The following PI4KA variants were observed in gnomAD, a reference collection of about 807,000 sequenced individuals.
The protein encoded by PI4KA is phosphatidylinositol 4-kinase alpha, also known as PI4-kinase alpha.
A neutral mutation model predicts 271.4 loss-of-function variants in PI4KA; 122 were observed. The ratio of observed to expected loss-of-function variants is 0.45; its 90% CI spans 0.39 to 0.52. The LOEUF is 0.52. Ranked by LOEUF, PI4KA falls within the 20% of genes least tolerant of loss-of-function variation. The pLI is 0.00. For missense variants in PI4KA, 1,969 were observed against 2,769.1 expected (o/e 0.71, Z 6.48); for synonymous variants, 1,041 against 1,078.8 (o/e 0.96, Z 0.69).
intron 3 of PI4KA, among the ~76,000 whole-genome samples, chr22:20,826,239 A>G (rs1923406422): frequency 6.6e-6 from 1 of 152,190 alleles, no homozygotes; most frequent in South Asian, 2.1e-4. Flanking sequence ...GCTACTTGGG[A>G]GGCTGAGACA....
intron 36 of PI4KA, among the ~76,000 whole-genome samples, chr22:20,732,129 G>C (rs1167587609): frequency 6.6e-6 from 1 of 151,984 alleles, no homozygotes; most frequent in African/African-American, 2.4e-5. Context: ...AGCCGAGATT[G>C]TGCCACTGCA....
At chr22:20,830,855 T>G (rs923270939) in intron 3 of PI4KA, among the ~76,000 whole-genome samples, 1 of 152,142 alleles carries the variant, frequency 6.6e-6, no homozygotes, top group Non-Finnish European at 1.5e-5. Flanking sequence ...CACTGTAACC[T>G]CCACCTCCTG....
chr22:20,813,924 G>A (rs998438632), intron 7 of PI4KA, among the ~76,000 whole-genome samples: 3 of 152,004 alleles, frequency 2.0e-5, no homozygotes, highest in Admixed American at 6.5e-5. Context: ...TCAGCCTTCC[G>A]AGTAGCTGGA....
chr22:20,816,026 G>C (rs930483526), intron 7 of PI4KA, among the ~76,000 whole-genome samples: 1 of 151,870 alleles, frequency 6.6e-6, no homozygotes, highest in Non-Finnish European at 1.5e-5. Flanking sequence ...CGCAACCTGC[G>C]TCTCCCAGGT....
At chr22:20,730,994 A>G (rs909613131) in intron 36 of PI4KA, among the ~76,000 whole-genome samples, 9 of 151,926 alleles carry the variant, frequency 5.9e-5, no homozygotes, top group Non-Finnish European at 1.2e-4. Context: ...CTGGACAACA[A>G]GGCAAGACGC....
rs977267403 is a variant in PI4KA, at chr22:20,848,241, A to G, written c.157-9510T>C. The stretch of plus-strand genomic sequence containing the variant: ...TGACAGAGCGAGACTCCATCTCAAA[A>G]AAAAAAAAAAAAAAAAAAAGGGACA... On this transcript the variant is annotated intron_variant, in intron 1 of 54. Coordinates refer to ENST00000255882, the MANE Select transcript of PI4KA (RefSeq NM_058004.4). Among the ~76,000 whole-genome samples, 210 of 149,998 alleles carry G rather than the reference A, an allele frequency of 1.4e-3. 1 individual carries two copies. The highest frequency in any genetic ancestry group is 2.9e-3 in the African/African-American group (120 of 41,068).
At chr22:20,817,130 A>C (rs1921910436) in intron 7 of PI4KA, among the ~76,000 whole-genome samples, 2 of 152,148 alleles carry the variant, frequency 1.3e-5, no homozygotes, top group African/African-American at 4.8e-5. Context: ...ATTCTCACAG[A>C]TCTAAGAGAT....
chr22:20,710,841 C>G lies in PI4KA; in HGVS notation c.5941G>C (p.Glu1981Gln). The change falls in exon 52 of 55, where the codon GAA (glutamate) becomes CAA (glutamine). Residue 1981 changes from glutamate (E) to glutamine (Q), a missense_variant. By Grantham distance (29) the Glu-to-Gln change is conservative. Transcript: ENST00000255882. ...CCGAGATTGCCGCCCGGCGAGCTTT[C>G]AAACATGAAGCCAAAGTCTGCAAAA... ...IIHIDFGFMF[E>Q]SSPGGNLGWE... 1 of 1,612,460 alleles carries G rather than the reference C, an allele frequency of 6.2e-7. No homozygotes were observed. Among genetic ancestry groups the G allele is most frequent in the Non-Finnish European group, 8.5e-7 (1 of 1,179,432 alleles).
rs1272054045 is a variant in PI4KA at position 20,727,486 on chromosome 22, G to A, written c.4774-89C>T. 12 of 1,232,896 alleles carry A rather than the reference G, an allele frequency of 9.7e-6. No individual in the cohort carries two copies. The East Asian group carries it at 3.0e-4, about 31-fold the overall frequency. The allele number at this position is 1,232,896 out of a possible 1,614,324, so 76.4% of individuals were successfully genotyped here. On this transcript the variant is annotated intron_variant, in intron 40 of 54. Coordinates refer to ENST00000255882, the MANE Select transcript of PI4KA (RefSeq NM_058004.4). ...CCACGGGCCACACAAGGACGGCCAT[G>A]AGAAGTGATGTTTCTAAGCATCGGT...
rs759121601 is a variant in PI4KA at position 20,764,928 on chromosome 22, C to G, written c.2597G>C (p.Ser866Thr). 6.2e-7 allele frequency: 1 copy of G among 1,610,354 alleles called. No homozygotes were observed. Among genetic ancestry groups the G allele is most frequent in the East Asian group, 2.2e-5 (1 of 44,810 alleles). ...VTPAELSELR[S>T]TIINLLDPPP... ...GGGGTCCAGCAGGTTGATGATAGTG[C>G]TGCGGAGCTCACTCAGCTCAGCCTG... The change falls in exon 22 of 55, where the codon AGC becomes ACC. Residue 866 changes from serine to threonine, a missense_variant. By Grantham distance (58) the Ser-to-Thr change is moderately conservative. Transcript: ENST00000255882.
intron 13 of PI4KA, 102 bp from the exon 14 acceptor site, chr22:20,802,207 A>G (rs1412068121): frequency 3.0e-6 from 3 of 1,002,806 alleles, no homozygotes; most frequent in Admixed American, 4.6e-5. Context: ...CATTTATAAA[A>G]GCAAAATGAT....
At position 20,747,725 on chromosome 22, in the gene PI4KA, G is replaced by C. The variant is rs200831789; in HGVS notation, c.3244-23C>G. The C allele has an allele frequency of 4.7e-5, 75 of 1,607,676 alleles. No homozygotes were observed. The Middle Eastern group carries it at 8.3e-4, about 18-fold the overall frequency. ...TTCCTGAAATAGGAAAAACACATGG[G>C]GTTTCAGTTATTTATCTGATTTTTT... On this transcript the variant is annotated intron_variant, in intron 28 of 54. Transcript: ENST00000255882.
At chr22:20,779,626 A>T (rs1933596084) in intron 19 of PI4KA, 1 of 1,614,002 alleles carries the variant, frequency 6.2e-7, no homozygotes, top group Non-Finnish European at 8.5e-7. Context: ...TCCCCGACAG[A>T]CTCTGATGTG....
At chr22:20,855,457 C>T (rs1050157283) in intron 1 of PI4KA, among the ~76,000 whole-genome samples, 1 of 152,106 alleles carries the variant, frequency 6.6e-6, no homozygotes, top group Admixed American at 6.5e-5. Flanking sequence ...CAGAAGCCTC[C>T]TCTATGAAAT....
chr22:20,822,230 T>C (rs1324529092), intron 4 of PI4KA, among the ~76,000 whole-genome samples: 1 of 151,972 alleles, frequency 6.6e-6, no homozygotes, highest in Non-Finnish European at 1.5e-5. Context: ...TTTATTTTTG[T>C]AGGGATAGGT....
chr22:20,819,113 A>C (rs1922231358), intron 6 of PI4KA, among the ~76,000 whole-genome samples: 1 of 152,220 alleles, frequency 6.6e-6, no homozygotes, highest in African/African-American at 2.4e-5. Context: ...TAGATTTAAG[A>C]AGCAGATGTT....
chr22:20,729,583 G>C lies in PI4KA; in HGVS notation c.4488+49C>G, dbSNP rs528788244. On this transcript the variant is annotated intron_variant, in intron 38 of 54. Transcript: ENST00000255882. ...CACACTGCCCCGGCCACCAGGTGTC[G>C]TACAGGCAGGTGGCGGGCAGCAGGC... 40 of 1,551,180 alleles carry C rather than the reference G, an allele frequency of 2.6e-5. No homozygotes were observed. In the South Asian group the frequency reaches 4.7e-4, roughly 18 times the overall value.
chr22:20,730,047 T>TA, intron 36 of PI4KA, 36 bp from the exon 37 acceptor site: 1 of 1,606,792 alleles, frequency 6.2e-7, no homozygotes, highest in Middle Eastern at 1.7e-4. Flanking sequence ...TAGAGTGAGG[T>TA]GGCTCAAGAA....
At chr22:20,770,631 CAA>C (rs1491545440) in intron 19 of PI4KA, among the ~76,000 whole-genome samples, 7 of 115,932 alleles carry the variant, frequency 6.0e-5, no homozygotes, top group African/African-American at 1.7e-4. Flanking sequence ...CACACACACA[CAA>C]GCTGGACACA....
Sources: gnomAD v4.1 joint callset for allele counts (sites outside exome capture counted in the v4.1 genomes callset) on GRCh38, gnomAD v4.1.1 for gene constraint, MANE v1.5 for transcripts, NCBI Gene and HGNC (gene_info 2026-07-23, HGNC 2026-07-21) for gene names.